The following MORC4 variants were observed in gnomAD, a reference collection of about 807,000 sequenced individuals.
The protein encoded by MORC4 is MORC family CW-type zinc finger protein 4.
Under a neutral mutation model 65.5 loss-of-function variants are expected in MORC4, and 22 were observed. That is an observed-to-expected ratio of 0.34 (90% CI 0.24 to 0.48). MORC4 has a LOEUF of 0.48. Among genes scored for constraint, MORC4 ranks in the 20% least tolerant of loss-of-function variants. The probability of loss-of-function intolerance (pLI) is 0.99; values close to 1 mark genes in which losing one functional copy is unlikely to be tolerated. For synonymous variants in MORC4, 267 were observed against 255.8 expected (o/e 1.04, Z -0.42); for missense variants, 624 against 703.0 (o/e 0.89, Z 1.27).
intron 14 of MORC4, among the ~76,000 whole-genome samples, chrX:106,946,595 A>G (rs941252013): frequency 4.4e-5 from 5 of 112,428 alleles, no homozygotes; most frequent in Non-Finnish European, 9.4e-5. Flanking sequence ...TATGAACATT[A>G]GCATACAAGT....
chrX:106,969,160 G>A (rs1019920087), intron 9 of MORC4, among the ~76,000 whole-genome samples: 1 of 112,074 alleles, frequency 8.9e-6, no homozygotes, highest in Non-Finnish European at 1.9e-5. Context: ...TATAACTCAG[G>A]ATTAAGAATC....
intron 9 of MORC4, among the ~76,000 whole-genome samples, chrX:106,970,952 T>C (rs530359616): frequency 1.8e-5 from 2 of 111,699 alleles, no homozygotes; most frequent in Admixed American, 1.9e-4. Flanking sequence ...CTTCACAGAA[T>C]TGGAAAAACC....
chrX:106,960,678 C>T (rs1039604142), intron 10 of MORC4, among the ~76,000 whole-genome samples: 2 of 111,881 alleles, frequency 1.8e-5, no homozygotes, highest in Admixed American at 9.5e-5. Flanking sequence ...AGTTCTGCCT[C>T]CAGCACACAC....
chrX:106,981,097 C>G (rs1278112999), intron 6 of MORC4, 78 bp from the exon 7 acceptor site: 3 of 1,105,071 alleles, frequency 2.7e-6, no homozygotes, highest in Non-Finnish European at 3.7e-6. Context: ...AACACTGCTA[C>G]CAACTGATAT....
intron 7 of MORC4, among the ~76,000 whole-genome samples, chrX:106,979,429 C>T (rs1934695516): frequency 2.7e-5 from 3 of 111,125 alleles, no homozygotes; most frequent in Admixed American, 1.9e-4. Flanking sequence ...CTGTTGTGCA[C>T]TTTTAAAATT....
At chrX:106,976,792 A>C (rs1934634377) in intron 8 of MORC4, 108 bp from the exon 9 acceptor site, 1 of 494,963 alleles carries the variant, frequency 2.0e-6, no homozygotes, top group Non-Finnish European at 3.5e-6. Context: ...TTCATGGGCA[A>C]GAAAAGACCA....
chrX:106,955,001 G>T lies in MORC4; in HGVS notation c.1597C>A (p.Pro533Thr). The change falls in exon 14 of 17, where the codon CCT becomes ACT. Residue 533 changes from proline (P) to threonine (T), a missense_variant. By Grantham distance (38) the Pro-to-Thr change is conservative (BLOSUM62 -1). Coordinates refer to ENST00000355610, the MANE Select transcript of MORC4 (RefSeq NM_024657.5). ...TCTCCACCAGAAGGAAGCACACTAGGGCTATGAATTCCCTCATATCCAATT... is the reference window on the plus strand; with the variant it reads ...TCTCCACCAGAAGGAAGCACACTAGTGCTATGAATTCCCTCATATCCAATT... ...KTIGYEGIHS[P>T]SVLPSGGEES... The T allele has an allele frequency of 8.3e-7, 1 of 1,205,865 alleles. No individual in the cohort carries two copies. The highest frequency in any genetic ancestry group is 1.1e-6 in the Non-Finnish European group (1 of 890,863).
At chrX:106,984,447 ACT>A (rs771592236) in intron 5 of MORC4, among the ~76,000 whole-genome samples, 3 of 96,836 alleles carry the variant, frequency 3.1e-5, no homozygotes, top group Non-Finnish European at 6.2e-5. Flanking sequence ...AACTCAAACA[ACT>A]CTGTTTTTCT....
At chrX:106,979,685 A>G (rs1021087130) in intron 7 of MORC4, among the ~76,000 whole-genome samples, 6 of 110,881 alleles carry the variant, frequency 5.4e-5, no homozygotes, top group Admixed American at 9.6e-5. Context: ...AGGGAGTCTG[A>G]GAAGAGTCGA....
At chrX:106,975,657 C>T (rs1934607633) in intron 9 of MORC4, among the ~76,000 whole-genome samples, 1 of 111,259 alleles carries the variant, frequency 9.0e-6, no homozygotes, top group Admixed American at 9.6e-5. Context: ...CAAATGTCCT[C>T]ATGCCTTCTT....
chrX:106,988,852 TTA>T (rs1934925208), intron 3 of MORC4, among the ~76,000 whole-genome samples: 1 of 112,061 alleles, frequency 8.9e-6, no homozygotes, highest in Non-Finnish European at 1.9e-5. Context: ...CTGGAGTATC[TTA>T]AAATGTCAAG....
intron 3 of MORC4, among the ~76,000 whole-genome samples, chrX:106,989,420 A>G (rs1302501844): frequency 8.9e-6 from 1 of 112,672 alleles, no homozygotes; most frequent in East Asian, 2.8e-4. Context: ...TTACACAACT[A>G]TTTTATCAGC....
At position 106,986,146 on chromosome X, in the gene MORC4, A is replaced by G; in HGVS notation, c.363T>C (p.Phe121=). Residue 121 remains phenylalanine (F), a synonymous_variant, in exon 4 of 17, where the codon TTT becomes TTC. Coordinates refer to ENST00000355610, the MANE Select transcript of MORC4 (RefSeq NM_024657.5). ...TGGAGCCTGACTTGAAACCATTACC[A>G]AAGACCCCAATGGGACACTGGCTCT... ...IKKSQCPIGV[F]GNGFKSGSMR... is the part of the protein sequence containing the mutation. The G allele has an allele frequency of 1.7e-6, 2 of 1,211,136 alleles. No homozygotes were observed. Among genetic ancestry groups the G allele is most frequent in the Non-Finnish European group, 2.2e-6 (2 of 895,150 alleles).
In MORC4 at chrX:106,999,903, C is replaced by T. The variant is rs1230695993; in HGVS notation, c.67G>A (p.Gly23Ser). Residue 23 changes from glycine to serine, a missense_variant, in exon 1 of 17, where the codon GGC becomes AGC. Coordinates refer to ENST00000355610, the MANE Select transcript of MORC4 (RefSeq NM_024657.5). ...APGCGLARPG[G>S]GPQAFGIRLS... is the part of the protein sequence containing the mutation. ...CGGATCCCGAAGGCCTGCGGGCCGC[C>T]GCCGGGCCGGGCCAGCCCGCAGCCC... The T allele has an allele frequency of 1.7e-4, 141 of 824,703 alleles. 1 individual carries two copies. The highest frequency in any genetic ancestry group is 2.0e-4 in the Non-Finnish European group (136 of 686,920). The allele number at this position is 824,703 out of a possible 1,213,427, so 68.0% of individuals were successfully genotyped here.
chrX:106,942,815 T>G lies in MORC4; in HGVS notation c.2076A>C (p.Val692=), dbSNP rs372467276. The G allele has an allele frequency of 2.5e-6, 3 of 1,209,956 alleles. No individual in the cohort carries two copies. The African/African-American group carries it at 5.2e-5, about 21-fold the overall frequency. The change falls in exon 15 of 17, where the codon GTA becomes GTC. Residue 692 remains valine, a synonymous_variant. Transcript: ENST00000355610. ...CACCTTTGGCAACACCCACAACAGCTACAAAAGGTCCCTTGTTGACTTCTT... is the reference window on the plus strand; with the variant it reads ...CACCTTTGGCAACACCCACAACAGCGACAAAAGGTCCCTTGTTGACTTCTT... ...NKEEVNKGPF[V]AVVGVAKGVR...
In MORC4 at chrX:106,956,375, TTTG is replaced by T. The variant is rs1934105194; in HGVS notation, c.1509+102_1509+104del. ...AAAAGAAGACCACCAGAAGAAATGG[TTTG>T]TTATTTCTATGCAGCTTTCAAGATT... On this transcript the variant is annotated intron_variant, in intron 13 of 16. Transcript: ENST00000355610. 4.2e-6 allele frequency: 3 copies of T among 719,295 alleles called. No individual in the cohort carries two copies. In the African/African-American group the frequency reaches 6.4e-5, roughly 15 times the overall value. 59.3% of individuals were successfully genotyped at this position (719,295 alleles called of 1,213,427 possible). A position where few individuals can be genotyped will look rare whatever the true frequency, so the allele number is the denominator to read the frequency against.
chrX:106,958,710 CAAT>C (rs1303637427), intron 10 of MORC4, among the ~76,000 whole-genome samples: 5 of 111,294 alleles, frequency 4.5e-5, no homozygotes, highest in Admixed American at 9.5e-5. Context: ...TTATAGAGGT[CAAT>C]AATATTTATC....
chrX:106,959,209 ACT>A (rs1488492731), intron 10 of MORC4, among the ~76,000 whole-genome samples: 2 of 111,603 alleles, frequency 1.8e-5, no homozygotes, highest in African/African-American at 3.3e-5. Context: ...ATGCATACCC[ACT>A]CTGATTCCCC....
At chrX:106,991,446 C>A (rs780306775) in intron 3 of MORC4, among the ~76,000 whole-genome samples, 3 of 112,330 alleles carry the variant, frequency 2.7e-5, no homozygotes, top group Non-Finnish European at 5.6e-5. Flanking sequence ...AAAATTGTGG[C>A]AATTATTTTG....
Sources: allele counts gnomAD v4.1 joint callset (sites outside exome capture counted in the v4.1 genomes callset), GRCh38; gene constraint gnomAD v4.1.1; transcripts MANE v1.5; gene names NCBI Gene and HGNC (gene_info 2026-07-23, HGNC 2026-07-21).